The following RHBDL2 variants were observed in gnomAD, a reference collection of about 807,000 sequenced individuals.
The protein encoded by RHBDL2 is rhomboid like 2, also known as rhomboid-related protein 2.
In RHBDL2, 26 loss-of-function variants were observed where a neutral mutation model predicts 31.7. The observed-to-expected ratio is 0.82, with a 90% CI of 0.60 to 1.14. RHBDL2 has a LOEUF of 1.14. Ranked by LOEUF, RHBDL2 falls within the 50% of genes most tolerant of loss-of-function variation. The pLI is 0.00. For synonymous variants in RHBDL2, 123 were observed against 127.2 expected (o/e 0.97, Z 0.22); for missense variants, 336 against 364.4 (o/e 0.92, Z 0.63).
chr1:38,933,671 C>A lies in RHBDL2; in HGVS notation c.-126+8011G>T, dbSNP rs567047551. 1.1e-3 allele frequency among the ~76,000 whole-genome samples: 162 copies of A among 152,178 alleles called. 1 individual carries two copies. The highest frequency in any genetic ancestry group is 3.8e-3 in the African/African-American group (157 of 41,516). The stretch of plus-strand genomic sequence containing the variant: ...ACCTAACCAGAAACTTCATCCCCAC[C>A]AGCAAACACATGGCCGGCGATGTTT... On this transcript the variant is annotated intron_variant, in intron 1 of 7. Transcript: ENST00000372990.
intron 2 of RHBDL2, among the ~76,000 whole-genome samples, chr1:38,917,350 T>A (rs1474962405): frequency 6.6e-6 from 1 of 152,136 alleles, no homozygotes; most frequent in Non-Finnish European, 1.5e-5. Flanking sequence ...TTACAATATC[T>A]CTATAGAGGT....
chr1:38,910,611 GTCTT>G (rs1643126008), intron 4 of RHBDL2, among the ~76,000 whole-genome samples: 1 of 151,970 alleles, frequency 6.6e-6, no homozygotes, highest in Non-Finnish European at 1.5e-5. Context: ...TCTTAAAGTT[GTCTT>G]TCTTAAATGC....
In RHBDL2 at chr1:38,919,052, A is replaced by G; in HGVS notation, c.161T>C (p.Leu54Pro). The change falls in exon 2 of 8, where the codon CTG becomes CCG. Residue 54 changes from leucine to proline, a missense_variant. Physicochemically the swap from Leu to Pro is moderately conservative, Grantham distance 98. Transcript: ENST00000372990. Reference protein sequence around the residue: ...KVHRIVSKWMLPEKSRGTYLE... With the variant: ...KVHRIVSKWMPPEKSRGTYLE... ...GTATGTTCCTCGGGACTTTTCGGGCAGCATCCATTTTGAGACAATCCTGTG... is the reference window on the plus strand; with the variant it reads ...GTATGTTCCTCGGGACTTTTCGGGCGGCATCCATTTTGAGACAATCCTGTG... The G allele has an allele frequency of 6.2e-7, 1 of 1,614,188 alleles. No individual in the cohort carries two copies. Among genetic ancestry groups the G allele is most frequent in the Non-Finnish European group, 8.5e-7 (1 of 1,180,040 alleles).
intron 4 of RHBDL2, among the ~76,000 whole-genome samples, chr1:38,909,543 A>G (rs879334543): frequency 2.0e-5 from 3 of 151,782 alleles, no homozygotes; most frequent in Admixed American, 2.0e-4. Flanking sequence ...GGAGTTCGAG[A>G]CCAGCCTGGC....
chr1:38,923,133 G>A (rs1003878925), intron 1 of RHBDL2, among the ~76,000 whole-genome samples: 2 of 152,052 alleles, frequency 1.3e-5, no homozygotes, highest in Non-Finnish European at 2.9e-5. Flanking sequence ...CCATATTTAT[G>A]AGGTGTGTGG....
In RHBDL2 at chr1:38,886,488, T is replaced by C; in HGVS notation, c.*16A>G. 5 of 1,499,694 alleles carry C rather than the reference T, an allele frequency of 3.3e-6. No homozygotes were observed. Among genetic ancestry groups the C allele is most frequent in the Non-Finnish European group, 4.5e-6 (5 of 1,116,488 alleles). 92.9% of individuals were successfully genotyped at this position (1,499,694 alleles called of 1,614,324 possible). ...CAGATGGCTCTTTTTATTAATTGAC[T>C]TACAATAGGGGCAGGTCAGTTTGCT... On this transcript the variant is annotated 3_prime_UTR_variant, in exon 8 of 8. Transcript: ENST00000372990.
chr1:38,914,138 A>G (rs1411087657), intron 3 of RHBDL2, among the ~76,000 whole-genome samples: 4 of 151,944 alleles, frequency 2.6e-5, no homozygotes, highest in Non-Finnish European at 5.9e-5. Context: ...GAAAGAAAGA[A>G]ACTGTAGGCA....
chr1:38,920,487 T>A (rs1165477015), intron 1 of RHBDL2, among the ~76,000 whole-genome samples: 1 of 151,754 alleles, frequency 6.6e-6, no homozygotes, highest in East Asian at 2.0e-4. Flanking sequence ...CTTTTTTTAA[T>A]GGCTGAATGC....
chr1:38,889,738 T>C (rs1260011167), intron 6 of RHBDL2, among the ~76,000 whole-genome samples: 2 of 152,220 alleles, frequency 1.3e-5, no homozygotes, highest in African/African-American at 4.8e-5. Flanking sequence ...CTAGAAGAAC[T>C]CTGCCCTATA....
At chr1:38,938,488 C>T (rs1276311279) in intron 1 of RHBDL2, among the ~76,000 whole-genome samples, 1 of 152,130 alleles carries the variant, frequency 6.6e-6, no homozygotes, top group African/African-American at 2.4e-5. Flanking sequence ...TTCCAGCTCC[C>T]ACTCTCCATG....
chr1:38,927,560 G>A (rs1194902979), intron 1 of RHBDL2, among the ~76,000 whole-genome samples: 1 of 150,826 alleles, frequency 6.6e-6, no homozygotes, highest in South Asian at 2.1e-4. Flanking sequence ...CAAAAAAAGG[G>A]CTTGCCATCT....
At chr1:38,934,699 T>C (rs1570944339) in intron 1 of RHBDL2, among the ~76,000 whole-genome samples, 1 of 149,000 alleles carries the variant, frequency 6.7e-6, no homozygotes, top group East Asian at 2.0e-4. Flanking sequence ...GGCTCACACT[T>C]ATAATCCCAG....
At chr1:38,905,750 GAAAA>G (rs36067930) in intron 4 of RHBDL2, among the ~76,000 whole-genome samples, 1 of 117,712 alleles carries the variant, frequency 8.5e-6, no homozygotes, top group Non-Finnish European at 1.7e-5. Flanking sequence ...TCTGTCTCAA[GAAAA>G]AAAAAAAAAA....
At chr1:38,888,484 A>T (rs748665726) in intron 6 of RHBDL2, among the ~76,000 whole-genome samples, 3 of 152,196 alleles carry the variant, frequency 2.0e-5, no homozygotes, top group Non-Finnish European at 2.9e-5. Context: ...GTGATTTCCA[A>T]TAGGGGTGTC....
chr1:38,937,419 G>T (rs1245839753), intron 1 of RHBDL2, among the ~76,000 whole-genome samples: 1 of 152,144 alleles, frequency 6.6e-6, no homozygotes, highest in South Asian at 2.1e-4. Flanking sequence ...ATGGACAGAG[G>T]TGTAACTTTC....
chr1:38,920,539 G>A (rs916674114), intron 1 of RHBDL2, among the ~76,000 whole-genome samples: 4 of 150,778 alleles, frequency 2.7e-5, no homozygotes, highest in Non-Finnish European at 4.4e-5. Context: ...TTATCCACTC[G>A]TCTGTTTATG....
intron 1 of RHBDL2, among the ~76,000 whole-genome samples, chr1:38,933,702 TGTCATACCTCACAGGTC>T: frequency 6.6e-6 from 1 of 150,416 alleles, no homozygotes; most frequent in Admixed American, 6.7e-5. Context: ...TGTTTATCAG[TGTCATACCTCACAGGTC>T]TTCACAATTT....
intron 1 of RHBDL2, among the ~76,000 whole-genome samples, chr1:38,931,413 C>T (rs1298623540): frequency 6.6e-6 from 1 of 151,772 alleles, no homozygotes; most frequent in Non-Finnish European, 1.5e-5. Context: ...CACAGCTACT[C>T]GGAAGGCTGA....
chr1:38,910,864 C>T (rs905905450), intron 4 of RHBDL2, among the ~76,000 whole-genome samples: 5 of 151,112 alleles, frequency 3.3e-5, no homozygotes, highest in South Asian at 2.1e-4. Flanking sequence ...CTGCAATCTC[C>T]GCCCCCTAGG....
Sources: allele counts gnomAD v4.1 joint callset (sites outside exome capture counted in the v4.1 genomes callset), GRCh38; gene constraint gnomAD v4.1.1; transcripts MANE v1.5; gene names NCBI Gene and HGNC (gene_info 2026-07-23, HGNC 2026-07-21).